The following PIK3C2A variants were observed in gnomAD, a reference collection of about 807,000 sequenced individuals.
The protein encoded by PIK3C2A is phosphatidylinositol-4-phosphate 3-kinase catalytic subunit type 2 alpha.
In PIK3C2A, 97 loss-of-function variants were observed where a neutral mutation model predicts 204.5. The ratio of observed to expected loss-of-function variants is 0.47; its 90% CI spans 0.40 to 0.56. The LOEUF (loss-of-function observed/expected upper bound fraction) is 0.56. Among genes scored for constraint, PIK3C2A ranks in the 20% least tolerant of loss-of-function variants. The probability of loss-of-function intolerance (pLI) is 0.00; values close to 1 mark genes in which losing one functional copy is unlikely to be tolerated. For synonymous variants in PIK3C2A, 653 were observed against 664.4 expected (o/e 0.98, Z 0.26); for missense variants, 1,735 against 1,969.2 (o/e 0.88, Z 2.25).
At chr11:17,194,604 A>G (rs1472429127) in intron 1 of PIK3C2A, among the ~76,000 whole-genome samples, 1 of 152,232 alleles carries the variant, frequency 6.6e-6, no homozygotes, top group Admixed American at 6.5e-5. Context: ...AAGTTGTTAG[A>G]CATTGGATGA....
chr11:17,161,642 G>A (rs1850779319), intron 2 of PIK3C2A, among the ~76,000 whole-genome samples: 1 of 152,012 alleles, frequency 6.6e-6, no homozygotes, highest in Non-Finnish European at 1.5e-5. Flanking sequence ...AATGTATTTA[G>A]GTTATTATTA....
At chr11:17,108,164 G>A (rs1476110424) in intron 22 of PIK3C2A, among the ~76,000 whole-genome samples, 5 of 152,294 alleles carry the variant, frequency 3.3e-5, no homozygotes, top group Admixed American at 6.5e-5. Context: ...GAGCCACTGC[G>A]CCCAGCCTCT....
chr11:17,132,087 G>A, intron 11 of PIK3C2A, 49 bp from the exon 12 acceptor site: 1 of 1,113,328 alleles, frequency 9.0e-7, no homozygotes, highest in Non-Finnish European at 1.3e-6. Flanking sequence ...ATACAAATTA[G>A]TTAACTAATA....
At chr11:17,198,112 A>ATT (rs58382152) in intron 1 of PIK3C2A, among the ~76,000 whole-genome samples, 2,553 of 145,274 alleles carry the variant, frequency 0.018, 43 homozygotes, top group South Asian at 0.033. Context: ...AAACTGTGTG[A>ATT]TTTTTTTTTT....
In PIK3C2A at chr11:17,117,714, T is replaced by TG. The variant is rs1371449036; in HGVS notation, c.3036-44_3036-43insC. ...TTATGTTAGTCACGTCTTGGTTTTT[T>TG]TTTTTTTTTTTTTTTTTTGAGACGG... is the stretch of plus-strand genomic sequence containing the variant. On this transcript the variant is annotated intron_variant, in intron 18 of 32. Transcript: ENST00000691414. The TG allele has an allele frequency of 5.3e-6, 6 of 1,134,666 alleles. No homozygotes were observed. The East Asian group carries it at 7.4e-5, about 14-fold the overall frequency. The allele number at this position is 1,134,666 out of a possible 1,614,324, so 70.3% of individuals were successfully genotyped here.
At chr11:17,182,250 T>C (rs1054240233) in intron 1 of PIK3C2A, among the ~76,000 whole-genome samples, 2 of 152,186 alleles carry the variant, frequency 1.3e-5, no homozygotes, top group African/African-American at 4.8e-5. Flanking sequence ...TAATCATATA[T>C]GATTTGTGCA....
At chr11:17,192,297 T>A (rs1851973412) in intron 1 of PIK3C2A, among the ~76,000 whole-genome samples, 1 of 152,194 alleles carries the variant, frequency 6.6e-6, no homozygotes, top group Admixed American at 6.5e-5. Flanking sequence ...TGTGGGTCAA[T>A]CTAAATCAGA....
rs370167622 is a variant in PIK3C2A at position 17,145,708 on chromosome 11, T to C, written c.1664A>G (p.Asp555Gly). ...MTRHPVEELL[D>G]SYHNQVELAL... ...CAGTTCTACTTGGTTGTGATAAGAATCTAAGAGTTCTTCAACAGGGTGTCT... is the reference window on the plus strand; with the variant it reads ...CAGTTCTACTTGGTTGTGATAAGAACCTAAGAGTTCTTCAACAGGGTGTCT... The change falls in exon 8 of 33, where the codon GAT (aspartate) becomes GGT (glycine). Residue 555 changes from aspartate (D) to glycine (G), a missense_variant. Coordinates refer to ENST00000691414, the MANE Select transcript of PIK3C2A (RefSeq NM_002645.4). The C allele has an allele frequency of 1.7e-5, 27 of 1,608,460 alleles. No individual in the cohort carries two copies. In the African/African-American group the frequency reaches 3.2e-4, roughly 19 times the overall value.
In PIK3C2A at chr11:17,186,726, A is replaced by G. The variant is rs192393040; in HGVS notation, c.-65-16920T>C. 3.0e-4 allele frequency among the ~76,000 whole-genome samples: 46 copies of G among 152,332 alleles called. No homozygotes were observed. The East Asian group carries it at 8.3e-3, about 27-fold the overall frequency. On this transcript the variant is annotated intron_variant, in intron 1 of 32. Coordinates refer to ENST00000691414, the MANE Select transcript of PIK3C2A (RefSeq NM_002645.4). ...GCCCTTTTTAGTCAGACCAAAACAC[A>G]TTCCTATTTTGAAGTAATTGTGAGA...
intron 2 of PIK3C2A, among the ~76,000 whole-genome samples, chr11:17,156,555 G>T (rs896864903): frequency 6.6e-6 from 1 of 152,008 alleles, no homozygotes; most frequent in African/African-American, 2.4e-5. Flanking sequence ...GCTAATTTTT[G>T]TATTTTTTGT....
intron 30 of PIK3C2A, 71 bp downstream of exon 30, chr11:17,091,925 A>G (rs945796506): frequency 1.7e-5 from 16 of 954,482 alleles, no homozygotes; most frequent in Non-Finnish European, 2.7e-5. Context: ...CTGTCATTCT[A>G]CCACATTCAT....
In PIK3C2A at chr11:17,118,721, A is replaced by G. The variant is rs759755433; in HGVS notation, c.2959T>C (p.Tyr987His). The change falls in exon 18 of 33, where the codon TAC becomes CAC. Residue 987 changes from tyrosine to histidine, a missense_variant. By Grantham distance (83) the Tyr-to-His change is moderately conservative. Around this residue, in one of 6 missense-constraint regions of PIK3C2A, gnomAD observed 567 missense variants for 576.0 expected, o/e 0.98. Transcript: ENST00000691414. ...QFVQALKYEI[Y>H]LNSSLVQFLL... ...AATTGCACTAATGAACTATTCAAGT[A>G]AATTTCATATTTCAAAGCCTACAGT... The G allele has an allele frequency of 1.9e-6, 3 of 1,546,322 alleles. No homozygotes were observed. Among genetic ancestry groups the G allele is most frequent in the South Asian group, 1.1e-5 (1 of 88,718 alleles).
At chr11:17,191,874 T>A (rs1478732339) in intron 1 of PIK3C2A, among the ~76,000 whole-genome samples, 2 of 151,880 alleles carry the variant, frequency 1.3e-5, no homozygotes, top group Non-Finnish European at 2.9e-5. Flanking sequence ...GGCTCATGCC[T>A]GTACTACGAA....
intron 1 of PIK3C2A, among the ~76,000 whole-genome samples, chr11:17,178,920 G>A (rs1184014751): frequency 1.3e-4 from 19 of 151,160 alleles, no homozygotes; most frequent in African/African-American, 3.9e-4. Context: ...TAGTAGAGAC[G>A]GGGTTTCACC....
chr11:17,187,214 A>G (rs895806616), intron 1 of PIK3C2A, among the ~76,000 whole-genome samples: 6 of 152,182 alleles, frequency 3.9e-5, no homozygotes, highest in African/African-American at 1.2e-4. Context: ...GAAAAAAATC[A>G]TGAGAGCGAT....
chr11:17,182,567 CAAAAA>C (rs11453658), intron 1 of PIK3C2A, among the ~76,000 whole-genome samples: 1 of 91,804 alleles, frequency 1.1e-5, no homozygotes, highest in Non-Finnish European at 2.4e-5. Flanking sequence ...GACCCTGTCT[CAAAAA>C]AAAAAAAAAA....
At chr11:17,159,936 G>A (rs1277720832) in intron 2 of PIK3C2A, among the ~76,000 whole-genome samples, 1 of 152,156 alleles carries the variant, frequency 6.6e-6, no homozygotes. Context: ...TTACTTTTGG[G>A]AGGGTCATTC....
intron 24 of PIK3C2A, 37 bp downstream of exon 24, chr11:17,102,625 G>A (rs1848675574): frequency 6.6e-7 from 1 of 1,509,276 alleles, no homozygotes; most frequent in South Asian, 1.2e-5. Flanking sequence ...GAAACAGGAA[G>A]TGCCTCATTT....
At chr11:17,177,569 A>C (rs1851377695) in intron 1 of PIK3C2A, among the ~76,000 whole-genome samples, 1 of 152,206 alleles carries the variant, frequency 6.6e-6, no homozygotes, top group South Asian at 2.1e-4. Flanking sequence ...GGGAGATGGT[A>C]ATAGAAAACT....
Sources: allele counts gnomAD v4.1 joint callset (sites outside exome capture counted in the v4.1 genomes callset), GRCh38; gene constraint gnomAD v4.1.1; regional missense constraint gnomAD v4.1.1; transcripts MANE v1.5; gene names NCBI Gene and HGNC (gene_info 2026-07-23, HGNC 2026-07-21).